The following SH3BP2 variants were observed in gnomAD, a reference collection of about 807,000 sequenced individuals.
SH3BP2 encodes SH3 domain-binding protein 2.
In SH3BP2, 38 loss-of-function variants were observed where a neutral mutation model predicts 56.2. The observed-to-expected ratio is 0.68, with a 90% CI of 0.52 to 0.89. SH3BP2 has a LOEUF of 0.89. Ranked by LOEUF, SH3BP2 falls within the 40% of genes least tolerant of loss-of-function variation. The pLI, the probability that SH3BP2 is intolerant of heterozygous loss-of-function variation, is 0.00. For synonymous variants in SH3BP2, 346 were observed against 316.7 expected, an observed-to-expected ratio of 1.09 and a Z score of -0.98; for missense variants, 748 against 762.6, an observed-to-expected ratio of 0.98 and a Z score of 0.23.
intron 5 of SH3BP2, among the ~76,000 whole-genome samples, chr4:2,825,748 G>A (rs116358253): frequency 0.018 from 2,733 of 152,374 alleles, 39 homozygotes; most frequent in Non-Finnish European, 0.026. Flanking sequence ...GGGAGGCCTG[G>A]CATGGCAGCA....
chr4:2,807,852 G>A (rs1373690321), intron 1 of SH3BP2, among the ~76,000 whole-genome samples: 1 of 152,190 alleles, frequency 6.6e-6, no homozygotes, highest in Non-Finnish European at 1.5e-5. Flanking sequence ...CTGTGTGCAG[G>A]AGGGTGGGAG....
At chr4:2,812,283 C>T (rs556481199) in intron 1 of SH3BP2, 25 of 1,542,236 alleles carry the variant, frequency 1.6e-5, no homozygotes, top group Admixed American at 1.2e-4. Context: ...CCGGCGGCCA[C>T]AGGCCTCAGA....
Position 2,827,586 on chromosome 4 carries a change from A to G in SH3BP2, c.518-20A>G, listed in dbSNP as rs1553806617. On this transcript the variant is annotated intron_variant, in intron 6 of 12. Transcript: ENST00000503393. ...GGCCTGGGCCGGTTTGGCTCTCACC[A>G]CCCCCCTCTCCCCATGCAGACTATG... 1 of 1,566,984 alleles carries G rather than the reference A, an allele frequency of 6.4e-7. No individual in the cohort carries two copies. The highest frequency in any genetic ancestry group is 8.7e-7 in the Non-Finnish European group (1 of 1,155,642).
intron 1 of SH3BP2, chr4:2,818,635 TCCTCCATC>T (rs1393284371): frequency 2.2e-5 from 18 of 820,506 alleles, no homozygotes; most frequent in Non-Finnish European, 2.7e-5. Context: ...CGGGGCTCCC[TCCTCCATC>T]CCCACTGCGG....
At chr4:2,824,898 C>A in intron 4 of SH3BP2, 168 bp downstream of exon 4, 1 of 677,432 alleles carries the variant, frequency 1.5e-6, no homozygotes, top group Non-Finnish European at 2.6e-6. Context: ...GCTGCCCCAG[C>A]TCCATCCCCA....
Position 2,827,101 on chromosome 4 carries a change from G to C in SH3BP2, c.429-129G>C, listed in dbSNP as rs778770746. 5 of 744,026 alleles carry C rather than the reference G, an allele frequency of 6.7e-6. No homozygotes were observed. The African/African-American group carries it at 6.9e-5, about 10-fold the overall frequency. 46.1% of individuals were successfully genotyped at this position (744,026 alleles called of 1,614,324 possible). ...TAACCATGTGTGCATGTGTTTGTCA[G>C]TGTATCCGTGTGTGCATCTGTGTAT... On this transcript the variant is annotated intron_variant, in intron 5 of 12. Transcript: ENST00000503393.
At chr4:2,807,691 C>T (rs1229844847) in intron 1 of SH3BP2, among the ~76,000 whole-genome samples, 2 of 152,274 alleles carry the variant, frequency 1.3e-5, no homozygotes, top group Non-Finnish European at 1.5e-5. Context: ...ACCCCATCCA[C>T]GTGGACAGGG....
intron 4 of SH3BP2, 178 bp from the exon 5 acceptor site, chr4:2,824,948 C>T: frequency 2.9e-6 from 2 of 697,500 alleles, no homozygotes; most frequent in Non-Finnish European, 5.1e-6. Flanking sequence ...AAGGAACATG[C>T]TGTCCTGGGA....
chr4:2,823,716 T>C, intron 3 of SH3BP2: 1 of 349,434 alleles, frequency 2.9e-6, no homozygotes, highest in South Asian at 2.1e-5. Context: ...ACAGCATTTA[T>C]CTATGCCTCT....
intron 1 of SH3BP2, among the ~76,000 whole-genome samples, chr4:2,795,475 G>C (rs547101182): frequency 6.6e-6 from 1 of 152,356 alleles, no homozygotes; most frequent in Admixed American, 6.5e-5. Context: ...GAGCCCCCAC[G>C]CCTGGCAGAG....
chr4:2,806,573 C>T (rs1723542608), intron 1 of SH3BP2, among the ~76,000 whole-genome samples: 3 of 152,072 alleles, frequency 2.0e-5, no homozygotes, highest in Non-Finnish European at 4.4e-5. Flanking sequence ...CCAGACCCAC[C>T]TCGCCTTGCC....
chr4:2,807,301 CTG>C (rs1560098409), intron 1 of SH3BP2, among the ~76,000 whole-genome samples: 1 of 152,190 alleles, frequency 6.6e-6, no homozygotes, highest in Non-Finnish European at 1.5e-5. Flanking sequence ...TTTTTTCACT[CTG>C]AGCTCTGAAG....
At chr4:2,812,278 G>T in intron 1 of SH3BP2, 2 of 1,540,638 alleles carry the variant, frequency 1.3e-6, no homozygotes, top group Non-Finnish European at 1.8e-6. Context: ...AAGCACCGGC[G>T]GCCACAGGCC....
Position 2,829,921 on chromosome 4 carries a change from C to G in SH3BP2, c.1015C>G (p.Leu339Val). The G allele has an allele frequency of 6.2e-7, 1 of 1,613,788 alleles. No homozygotes were observed. Among genetic ancestry groups the G allele is most frequent in the Non-Finnish European group, 8.5e-7 (1 of 1,179,972 alleles). The stretch of plus-strand genomic sequence containing the variant: ...CTGTGACAAACTCAAGTCCTTCCAC[C>G]TGTCCCCCCGAGGACCACCCACATC... The part of the protein sequence containing the change: ...RNCDKLKSFH[L>V]SPRGPPTSEP... The change falls in exon 8 of 13, where the codon CTG becomes GTG. Residue 339 changes from leucine to valine, a missense_variant. By Grantham distance (32) the Leu-to-Val change is conservative. Around this residue, in one of 3 missense-constraint regions of SH3BP2, gnomAD observed 635 missense variants for 615.0 expected, o/e 1.03. Coordinates refer to ENST00000503393, the MANE Select transcript of SH3BP2 (RefSeq NM_001122681.2). The surrounding 1 kb of genome is among the most constrained non-coding windows in gnomAD (Gnocchi z 4.9).
In SH3BP2 at chr4:2,831,762, A is replaced by T; in HGVS notation, c.1350+83A>T. ...AAGCCATAGGCCAGGGCGGCCCCTCACAGACCGTCCTGAGCAAGGACCCCC... is the reference window on the plus strand; with the variant it reads ...AAGCCATAGGCCAGGGCGGCCCCTCTCAGACCGTCCTGAGCAAGGACCCCC... On this transcript the variant is annotated intron_variant, in intron 9 of 12. Coordinates refer to ENST00000503393, the MANE Select transcript of SH3BP2 (RefSeq NM_001122681.2). The surrounding 1 kb of genome is among the most constrained non-coding windows in gnomAD (Gnocchi z 4.1). 7.2e-7 allele frequency: 1 copy of T among 1,384,590 alleles called. No homozygotes were observed. The highest frequency in any genetic ancestry group is 1.0e-6 in the Non-Finnish European group (1 of 993,222). The allele number at this position is 1,384,590 out of a possible 1,614,324, so 85.8% of individuals were successfully genotyped here. A position where few individuals can be genotyped will look rare whatever the true frequency, so the allele number is the denominator to read the frequency against.
At chr4:2,799,467 G>A (rs1271991907) in intron 1 of SH3BP2, among the ~76,000 whole-genome samples, 1 of 152,214 alleles carries the variant, frequency 6.6e-6, no homozygotes, top group Non-Finnish European at 1.5e-5. Flanking sequence ...ATGTGACCAG[G>A]AGGGTGATGT....
At position 2,827,658 on chromosome 4, in the gene SH3BP2, G is replaced by T. The variant is rs1219218343; in HGVS notation, c.570G>T (p.Glu190Asp). 1 of 1,515,448 alleles carries T rather than the reference G, an allele frequency of 6.6e-7. No individual in the cohort carries two copies. The highest frequency in any genetic ancestry group is 1.2e-5 in the South Asian group (1 of 86,526). 93.9% of individuals were successfully genotyped at this position (1,515,448 alleles called of 1,614,324 possible). ...DDSYLEPDSPEPGRLEDALMH... is the reference protein window; with the variant it reads ...DDSYLEPDSPDPGRLEDALMH... ...CCTACCTGGAGCCTGACTCCCCGGA[G>T]CCCGGAAGGCTTGAGGGTAGGTGGG... The change falls in exon 7 of 13, where the codon GAG becomes GAT. Residue 190 changes from glutamate (E) to aspartate (D), a missense_variant. By Grantham distance (45) the Glu-to-Asp change is conservative (BLOSUM62 2). Around this residue, in one of 3 missense-constraint regions of SH3BP2, gnomAD observed 635 missense variants for 615.0 expected, o/e 1.03. Transcript: ENST00000503393.
Position 2,838,146 on chromosome 4 carries a change from G to A in SH3BP2, c.*4312G>A, listed in dbSNP as rs988374977. On this transcript the variant is annotated 3_prime_UTR_variant, in exon 13 of 13. Transcript: ENST00000503393. ...TTCCTGCAGAATAAAACAACATACAGAAAAGTGAATAAAACATAAATGCAC... is the reference window on the plus strand; with the variant it reads ...TTCCTGCAGAATAAAACAACATACAAAAAAGTGAATAAAACATAAATGCAC... 2 of 152,172 alleles carry A rather than the reference G, an allele frequency of 1.3e-5. No individual in the cohort carries two copies. Among genetic ancestry groups the A allele is most frequent in the African/African-American group, 4.8e-5 (2 of 41,426 alleles). 9.4% of individuals were successfully genotyped at this position (152,172 alleles called of 1,614,324 possible). A position where few individuals can be genotyped will look rare whatever the true frequency, so the allele number is the denominator to read the frequency against.
chr4:2,825,005 G>A, intron 4 of SH3BP2, 121 bp from the exon 5 acceptor site: 5 of 911,962 alleles, frequency 5.5e-6, no homozygotes, highest in Non-Finnish European at 8.8e-6. Context: ...GTTGTATCCA[G>A]CCGGGTCGCC....
Sources: gnomAD v4.1 joint callset for allele counts (sites outside exome capture counted in the v4.1 genomes callset) on GRCh38, gnomAD v4.1.1 for gene constraint, gnomAD v4.1.1 regional missense constraint, Gnocchi (gnomAD v3.1) non-coding constraint, MANE v1.5 for transcripts, NCBI Gene and HGNC (gene_info 2026-07-23, HGNC 2026-07-21) for gene names.